The following STARD13 variants were observed in gnomAD, a reference collection of about 807,000 sequenced individuals.
The protein encoded by STARD13 is StAR related lipid transfer domain containing 13, also known as stAR-related lipid transfer protein 13.
A neutral mutation model predicts 106.4 loss-of-function variants in STARD13; 62 were observed. The observed-to-expected ratio is 0.58, with a 90% CI of 0.48 to 0.72. The LOEUF is 0.72. STARD13 is among the 30% of genes least tolerant of loss of function. The pLI, the probability that STARD13 is intolerant of heterozygous loss-of-function variation, is 0.00. For missense variants in STARD13, 1,387 were observed against 1,424.0 expected, an observed-to-expected ratio of 0.97 and a Z score of 0.42; for synonymous variants, 565 against 553.0, an observed-to-expected ratio of 1.02 and a Z score of -0.31.
chr13:33,655,940 G>A, the STARD13 span, among the ~76,000 whole-genome samples: 3 of 151,986 alleles, frequency 2.0e-5, no homozygotes, highest in African/African-American at 7.3e-5. Flanking sequence ...AGAAGCAGAG[G>A]TTCTTAGTGG....
intron 5 of STARD13, among the ~76,000 whole-genome samples, chr13:33,128,624 T>C (rs1279991342): frequency 4.6e-5 from 7 of 152,160 alleles, no homozygotes; most frequent in Admixed American, 4.6e-4. Context: ...GTATTGGTTA[T>C]CCAGGATTCC....
At chr13:33,359,352 C>A in the STARD13 span, 1 of 163,878 alleles carries the variant, frequency 6.1e-6, no homozygotes, top group Non-Finnish European at 1.3e-5. Context: ...TCTGCAGCTT[C>A]ACTTCTGAAC....
chr13:33,580,247 A>C, the STARD13 span, among the ~76,000 whole-genome samples: 1 of 152,126 alleles, frequency 6.6e-6, no homozygotes, highest in African/African-American at 2.4e-5. Context: ...ACAAAAAATC[A>C]TGGAGGAACC....
At chr13:33,481,548 AAACAC>A in the STARD13 span, among the ~76,000 whole-genome samples, 1 of 152,244 alleles carries the variant, frequency 6.6e-6, no homozygotes, top group Non-Finnish European at 1.5e-5. Flanking sequence ...ATTTTAGAGA[AAACAC>A]AATCTAATTT....
intron 3 of STARD13, among the ~76,000 whole-genome samples, chr13:33,155,026 C>T (rs551268380): frequency 8.5e-5 from 13 of 152,056 alleles, no homozygotes; most frequent in Non-Finnish European, 1.8e-4. Context: ...CCCCGGCATC[C>T]ACTCTTAGTC....
the STARD13 span, among the ~76,000 whole-genome samples, chr13:33,543,377 A>AGG: frequency 3.9e-5 from 6 of 152,228 alleles, no homozygotes; most frequent in Non-Finnish European, 8.8e-5. Flanking sequence ...AGCCTCAGAA[A>AGG]TGCTCAATGT....
chr13:33,593,344 C>G, the STARD13 span, among the ~76,000 whole-genome samples: 2 of 152,006 alleles, frequency 1.3e-5, no homozygotes, highest in East Asian at 1.9e-4. Flanking sequence ...GCCACCACAC[C>G]CAGCTAATTT....
chr13:33,401,992 T>A, the STARD13 span, among the ~76,000 whole-genome samples: 1 of 152,244 alleles, frequency 6.6e-6, no homozygotes, highest in Non-Finnish European at 1.5e-5. Context: ...ACATGTCTTC[T>A]ACAAATTGTG....
chr13:33,585,359 T>C, the STARD13 span, among the ~76,000 whole-genome samples: 11 of 152,102 alleles, frequency 7.2e-5, no homozygotes, highest in Admixed American at 5.9e-4. Context: ...TCATAATAAC[T>C]GAAAGATGGA....
intron 3 of STARD13, among the ~76,000 whole-genome samples, chr13:33,156,968 T>G (rs1360866450): frequency 6.6e-6 from 1 of 152,232 alleles, no homozygotes. Context: ...TTATTTATTA[T>G]AGGACATAAT....
At chr13:33,169,742 C>T (rs1454730382) in intron 1 of STARD13, among the ~76,000 whole-genome samples, 1 of 152,142 alleles carries the variant, frequency 6.6e-6, no homozygotes, top group African/African-American at 2.4e-5. Flanking sequence ...AAGACAGGGG[C>T]TCTGCAGCCT....
chr13:33,541,438 T>C, the STARD13 span, among the ~76,000 whole-genome samples: 16 of 152,208 alleles, frequency 1.1e-4, no homozygotes, highest in Non-Finnish European at 2.1e-4. Context: ...TTGAATGATA[T>C]TGCAATATCC....
chr13:33,607,539 G>A, the STARD13 span, among the ~76,000 whole-genome samples: 3 of 151,848 alleles, frequency 2.0e-5, no homozygotes, highest in South Asian at 2.1e-4. Flanking sequence ...CTGGTGATCC[G>A]CCTGCCTCAG....
chr13:33,621,615 G>A, the STARD13 span, among the ~76,000 whole-genome samples: 1 of 140,604 alleles, frequency 7.1e-6, no homozygotes, highest in South Asian at 2.3e-4. Flanking sequence ...GGGAGGCAGA[G>A]CTTGCAGTGA....
At chr13:33,222,195 T>A (rs1038570229) in intron 1 of STARD13, among the ~76,000 whole-genome samples, 1 of 151,652 alleles carries the variant, frequency 6.6e-6, no homozygotes, top group Admixed American at 6.6e-5. Context: ...GAGTGAAGCT[T>A]GAGAACATTA....
chr13:33,638,180 C>G, the STARD13 span, among the ~76,000 whole-genome samples: 2 of 152,200 alleles, frequency 1.3e-5, no homozygotes, highest in Admixed American at 6.5e-5. Flanking sequence ...AGCAGCTTCT[C>G]TCCATGACTC....
the STARD13 span, among the ~76,000 whole-genome samples, chr13:33,553,297 G>T: frequency 3.3e-5 from 5 of 151,942 alleles, no homozygotes; most frequent in Admixed American, 2.6e-4. Flanking sequence ...AATCATAATT[G>T]TAGTTGTTTA....
At chr13:33,663,513 A>G in the STARD13 span, among the ~76,000 whole-genome samples, 4 of 152,218 alleles carry the variant, frequency 2.6e-5, no homozygotes, top group African/African-American at 9.7e-5. Context: ...AAATATAAGG[A>G]AACGCCTTTG....
At chr13:33,201,994 CT>C (rs1887072279) in intron 1 of STARD13, among the ~76,000 whole-genome samples, 5 of 152,102 alleles carry the variant, frequency 3.3e-5, no homozygotes, top group Admixed American at 3.3e-4. Context: ...TGCTGAACAT[CT>C]TTGTTCAGAA....
Sources: allele counts gnomAD v4.1 joint callset (sites outside exome capture counted in the v4.1 genomes callset), GRCh38; gene constraint gnomAD v4.1.1; transcripts MANE v1.5; gene names NCBI Gene and HGNC (gene_info 2026-07-23, HGNC 2026-07-21).